Variants in PCSK5 observed in about 807,000 individuals in gnomAD.
PCSK5 encodes prohormone convertase 5.
PCSK5 carries 129 observed loss-of-function variants against 233.2 expected under a neutral mutation model. The ratio of observed to expected loss-of-function variants is 0.55; its 90% CI spans 0.48 to 0.64. PCSK5 has a LOEUF of 0.64. PCSK5 is among the 30% of genes least tolerant of loss of function. The probability of loss-of-function intolerance (pLI) is 0.00; values close to 1 mark genes in which losing one functional copy is unlikely to be tolerated. For synonymous variants in PCSK5, 825 were observed against 879.2 expected (o/e 0.94, Z 1.09); for missense variants, 2,076 against 2,430.1 (o/e 0.85, Z 3.06).
At chr9:76,101,916 ATC>A (rs1831775636) in intron 8 of PCSK5, among the ~76,000 whole-genome samples, 1 of 152,180 alleles carries the variant, frequency 6.6e-6, no homozygotes, top group Non-Finnish European at 1.5e-5. Context: ...ATTCTCTGTC[ATC>A]TCTCCATTTC....
At chr9:76,173,141 AG>A (rs1564078965) in intron 13 of PCSK5, among the ~76,000 whole-genome samples, 1 of 152,230 alleles carries the variant, frequency 6.6e-6, no homozygotes, top group Non-Finnish European at 1.5e-5. Context: ...TGGGACTGTT[AG>A]TACCCACCTT....
chr9:75,924,598 C>T (rs1174397178), intron 1 of PCSK5, among the ~76,000 whole-genome samples: 1 of 151,986 alleles, frequency 6.6e-6, no homozygotes, highest in Non-Finnish European at 1.5e-5. Flanking sequence ...AGGATTCTTG[C>T]CCCCGCCCCC....
intron 3 of PCSK5, among the ~76,000 whole-genome samples, chr9:76,019,467 A>C (rs1369811935): frequency 6.6e-6 from 1 of 152,194 alleles, no homozygotes; most frequent in Non-Finnish European, 1.5e-5. Flanking sequence ...TGAACAACAG[A>C]TGTTTTCATT....
chr9:76,252,066 G>C (rs1826826594), intron 24 of PCSK5, among the ~76,000 whole-genome samples: 1 of 152,096 alleles, frequency 6.6e-6, no homozygotes, highest in South Asian at 2.1e-4. Flanking sequence ...AGGAGATCGA[G>C]ACCATCCTCG....
At chr9:76,066,671 T>G (rs1830299177) in intron 5 of PCSK5, among the ~76,000 whole-genome samples, 1 of 149,490 alleles carries the variant, frequency 6.7e-6, no homozygotes, top group Non-Finnish European at 1.5e-5. Context: ...AATATATAGA[T>G]TAATGTTTAG....
At chr9:75,991,751 AC>A (rs1347278969) in intron 3 of PCSK5, among the ~76,000 whole-genome samples, 3 of 152,140 alleles carry the variant, frequency 2.0e-5, no homozygotes, top group Non-Finnish European at 2.9e-5. Context: ...TTTTTTCACG[AC>A]TAAAGAAAAC....
intron 2 of PCSK5, among the ~76,000 whole-genome samples, chr9:75,946,934 G>C (rs1056135745): frequency 6.6e-6 from 1 of 152,146 alleles, no homozygotes; most frequent in Non-Finnish European, 1.5e-5. Flanking sequence ...CCCAGATACT[G>C]TTTTGCCTTA....
At chr9:76,346,755 G>C (rs1279617263) in intron 35 of PCSK5, among the ~76,000 whole-genome samples, 1 of 152,098 alleles carries the variant, frequency 6.6e-6, no homozygotes, top group Non-Finnish European at 1.5e-5. Flanking sequence ...TAGAAAAAAA[G>C]ATGAATTCCT....
chr9:76,314,833 G>T (rs1160918320), intron 30 of PCSK5, among the ~76,000 whole-genome samples: 1 of 151,838 alleles, frequency 6.6e-6, no homozygotes, highest in Admixed American at 6.6e-5. Flanking sequence ...TAGAGATGGG[G>T]TTTCACCGTG....
rs141264224 is a variant in PCSK5, at chr9:76,143,713, C to T, written c.1312+9501C>T. 8.3e-3 allele frequency among the ~76,000 whole-genome samples: 1,212 copies of T among 146,200 alleles called. 14 individuals carry two copies. The highest frequency in any genetic ancestry group is 9.6e-3 in the Non-Finnish European group (644 of 67,270). On this transcript the variant is annotated intron_variant, in intron 10 of 37. Coordinates refer to ENST00000674117, the MANE Select transcript of PCSK5 (RefSeq NM_001372043.1). ...TTGTAGATTTGGGATATATAATCATCTTTGCTACATCCCACTTTTTTTTTT... is the reference window on the plus strand; with the variant it reads ...TTGTAGATTTGGGATATATAATCATTTTTGCTACATCCCACTTTTTTTTTT...
intron 28 of PCSK5, among the ~76,000 whole-genome samples, chr9:76,302,462 C>T (rs11788518): frequency 0.16 from 24,513 of 152,100 alleles, 2,170 homozygotes; most frequent in Middle Eastern, 0.31. Flanking sequence ...ATATTCGTGA[C>T]GAGCTAAATG....
intron 3 of PCSK5, among the ~76,000 whole-genome samples, chr9:75,995,744 T>TACACACACAC (rs35132294): frequency 0.027 from 3,915 of 146,000 alleles, 74 homozygotes; most frequent in Middle Eastern, 0.045. Context: ...GATTCATTCA[T>TACACACACAC]ACACACACAC....
intron 20 of PCSK5, among the ~76,000 whole-genome samples, chr9:76,200,648 T>A (rs533093428): frequency 6.6e-6 from 1 of 152,254 alleles, no homozygotes; most frequent in Admixed American, 6.5e-5. Context: ...AAGCAAGAAA[T>A]TAAAAATCAA....
chr9:76,205,035 T>C, intron 20 of PCSK5: 1 of 498,792 alleles, frequency 2.0e-6, no homozygotes, highest in South Asian at 1.5e-5. Context: ...GCTACAAGTC[T>C]AAGGGGTTAT....
chr9:76,349,395 G>A (rs1275195717), intron 35 of PCSK5, among the ~76,000 whole-genome samples: 1 of 152,130 alleles, frequency 6.6e-6, no homozygotes, highest in Non-Finnish European at 1.5e-5. Context: ...GAACATGTGG[G>A]AAATTCTGTA....
intron 2 of PCSK5, among the ~76,000 whole-genome samples, chr9:75,944,241 A>G (rs1366947572): frequency 1.3e-5 from 2 of 151,352 alleles, no homozygotes; most frequent in African/African-American, 4.8e-5. Flanking sequence ...AAAAAGCAGT[A>G]TATGAAGAGA....
In PCSK5 at chr9:76,188,587, A is replaced by C; in HGVS notation, c.2292A>C (p.Gly764=). 1.2e-6 allele frequency: 2 copies of C among 1,612,696 alleles called. No individual in the cohort carries two copies. Among genetic ancestry groups the C allele is most frequent in the Non-Finnish European group, 1.7e-6 (2 of 1,178,804 alleles). The change falls in exon 18 of 38, where the codon GGA becomes GGC. Residue 764 remains glycine, a synonymous_variant. Coordinates refer to ENST00000674117, the MANE Select transcript of PCSK5 (RefSeq NM_001372043.1). ...TTTATACTTCTTCCAGCCTGCAGGG[A>C]TCCCGGTGCTCTGTCTCCTGTGAAG... ...TECRDGLSLQ[G]SRCSVSCEDG...
At chr9:76,163,294 C>T (rs1050835584) in intron 12 of PCSK5, among the ~76,000 whole-genome samples, 1 of 152,194 alleles carries the variant, frequency 6.6e-6, no homozygotes, top group Non-Finnish European at 1.5e-5. Context: ...CCGTCTGGAG[C>T]CCCTCAGTGG....
chr9:76,342,022 G>A (rs930163554), intron 35 of PCSK5, among the ~76,000 whole-genome samples: 2 of 152,222 alleles, frequency 1.3e-5, no homozygotes, highest in African/African-American at 4.8e-5. Flanking sequence ...CTGGAGCAGA[G>A]AAGGTGGATG....
Sources: gnomAD v4.1 joint callset for allele counts (sites outside exome capture counted in the v4.1 genomes callset) on GRCh38, gnomAD v4.1.1 for gene constraint, MANE v1.5 for transcripts, NCBI Gene and HGNC (gene_info 2026-07-23, HGNC 2026-07-21) for gene names.